NELL2: variants seen among roughly 807,000 people sequenced by gnomAD.
NELL2 encodes neural EGFL like 2, also known as protein kinase C-binding protein NELL2.
In NELL2, 41 loss-of-function variants were observed where a neutral mutation model predicts 109.6. That is an observed-to-expected ratio of 0.37 (90% CI 0.29 to 0.49). The LOEUF is 0.49. NELL2 is among the 20% of genes least tolerant of loss of function. The pLI is 0.98. For synonymous variants in NELL2, 355 were observed against 344.7 expected (o/e 1.03, Z -0.33); for missense variants, 900 against 1,008.3 (o/e 0.89, Z 1.45).
At chr12:44,655,532 G>C (rs1176416347) in intron 13 of NELL2, among the ~76,000 whole-genome samples, 1 of 152,202 alleles carries the variant, frequency 6.6e-6, no homozygotes, top group East Asian at 1.9e-4. Context: ...ATGTGTTTCA[G>C]AAAAGAGATA....
intron 15 of NELL2, among the ~76,000 whole-genome samples, chr12:44,554,030 G>C (rs888610898): frequency 1.3e-5 from 2 of 152,188 alleles, no homozygotes; most frequent in African/African-American, 4.8e-5. Context: ...TCAGATTGCA[G>C]ATATCATGTA....
chr12:44,615,860 C>T (rs905699761), intron 13 of NELL2, among the ~76,000 whole-genome samples: 1 of 152,118 alleles, frequency 6.6e-6, no homozygotes, highest in Non-Finnish European at 1.5e-5. Context: ...CCCACATTTT[C>T]ACAAGGTAGA....
At chr12:44,759,974 T>C (rs1048313911) in intron 9 of NELL2, among the ~76,000 whole-genome samples, 2 of 152,222 alleles carry the variant, frequency 1.3e-5, no homozygotes, top group African/African-American at 4.8e-5. Context: ...ATGGCAGAGT[T>C]ACTGGGGACT....
At chr12:44,720,328 C>T (rs191734726) in intron 9 of NELL2, among the ~76,000 whole-genome samples, 2 of 152,218 alleles carry the variant, frequency 1.3e-5, no homozygotes, top group East Asian at 3.9e-4. Context: ...TTTCAGCTTC[C>T]TGTTTGATAA....
chr12:44,816,166 T>G (rs1176873323), intron 2 of NELL2, 30 bp from the exon 3 acceptor site: 4 of 1,529,786 alleles, frequency 2.6e-6, no homozygotes, highest in Non-Finnish European at 3.5e-6. Flanking sequence ...ATACTAAGAA[T>G]AGTAGAATTT....
intron 15 of NELL2, among the ~76,000 whole-genome samples, chr12:44,584,037 G>C: frequency 6.6e-6 from 1 of 152,208 alleles, no homozygotes; most frequent in East Asian, 1.9e-4. Flanking sequence ...GCCTCCAGAA[G>C]TGCTGGGATT....
chr12:44,714,817 A>G, intron 9 of NELL2, 76 bp from the exon 10 acceptor site: 1 of 872,550 alleles, frequency 1.1e-6, no homozygotes, highest in Non-Finnish European at 1.7e-6. Context: ...ATCTTGTAAC[A>G]GCATTCCACA....
intron 19 of NELL2, among the ~76,000 whole-genome samples, chr12:44,514,498 T>A (rs1941159390): frequency 6.6e-6 from 1 of 151,678 alleles, no homozygotes; most frequent in African/African-American, 2.4e-5. Flanking sequence ...TCACATAATT[T>A]TTATTACAGT....
chr12:44,710,203 C>T (rs1399508182), intron 11 of NELL2, among the ~76,000 whole-genome samples: 4 of 152,098 alleles, frequency 2.6e-5, no homozygotes, highest in East Asian at 1.9e-4. Context: ...CCTATGTCCA[C>T]TTTTAATAGA....
intron 13 of NELL2, among the ~76,000 whole-genome samples, chr12:44,619,465 A>C (rs1392803201): frequency 6.6e-6 from 1 of 152,180 alleles, no homozygotes; most frequent in Non-Finnish European, 1.5e-5. Context: ...ATTCCTTGAC[A>C]AAATGGGCTT....
intron 1 of NELL2, chr12:44,913,693 C>T (rs1388129525): frequency 2.1e-6 from 1 of 477,894 alleles, no homozygotes; most frequent in Non-Finnish European, 3.8e-6. Flanking sequence ...TGATTCACAT[C>T]AAAACCACAG....
At chr12:44,872,510 A>G (rs1184187713) in intron 2 of NELL2, among the ~76,000 whole-genome samples, 2 of 152,154 alleles carry the variant, frequency 1.3e-5, no homozygotes, top group African/African-American at 4.8e-5. Flanking sequence ...ACGAGTTTCA[A>G]AAGGTATTGA....
intron 2 of NELL2, among the ~76,000 whole-genome samples, chr12:44,862,649 T>G (rs535514730): frequency 6.6e-6 from 1 of 152,100 alleles, no homozygotes; most frequent in African/African-American, 2.4e-5. Context: ...TGAGCTGCAC[T>G]TTTTTTTCTA....
At chr12:44,734,544 C>A (rs977473261) in intron 9 of NELL2, among the ~76,000 whole-genome samples, 1 of 151,108 alleles carries the variant, frequency 6.6e-6, no homozygotes, top group Non-Finnish European at 1.5e-5. Context: ...GATTTTTGTC[C>A]CCCCTGCTTT....
At chr12:44,546,435 T>TAAG (rs1463963947) in intron 15 of NELL2, among the ~76,000 whole-genome samples, 1 of 152,070 alleles carries the variant, frequency 6.6e-6, no homozygotes, top group Non-Finnish European at 1.5e-5. Flanking sequence ...TTGATACAAG[T>TAAG]TTTTTAGCCA....
At chr12:44,840,375 T>C (rs1309985431) in intron 2 of NELL2, among the ~76,000 whole-genome samples, 1 of 152,194 alleles carries the variant, frequency 6.6e-6, no homozygotes, top group Non-Finnish European at 1.5e-5. Flanking sequence ...AACCAAAAAG[T>C]TAAATTCCAC....
At position 44,652,686 on chromosome 12, in the gene NELL2, T is replaced by C. The variant is rs144413038; in HGVS notation, c.1444+12798A>G. On this transcript the variant is annotated intron_variant, in intron 13 of 19. Transcript: ENST00000429094. Reference sequence around the variant, plus strand: ...TTAGCTAATAGTAATAGTGCATTAGTTTTCTATTGTTGCCATAACAAATTA... The same window carrying C: ...TTAGCTAATAGTAATAGTGCATTAGCTTTCTATTGTTGCCATAACAAATTA... 3.9e-5 allele frequency among the ~76,000 whole-genome samples: 6 copies of C among 152,322 alleles called. No homozygotes were observed. The East Asian group carries it at 1.2e-3, about 29-fold the overall frequency.
In NELL2 at chr12:44,876,273, C is replaced by T. The variant is rs919368533; in HGVS notation, c.-404G>A. 3 of 1,153,156 alleles carry T rather than the reference C, an allele frequency of 2.6e-6. No homozygotes were observed. Among genetic ancestry groups the T allele is most frequent in the African/African-American group, 1.6e-5 (1 of 63,052 alleles). 71.4% of individuals were successfully genotyped at this position (1,153,156 alleles called of 1,614,324 possible). On this transcript the variant is annotated 5_prime_UTR_variant, in exon 1 of 20. Coordinates refer to ENST00000429094, the MANE Select transcript of NELL2 (RefSeq NM_001145108.2). The stretch of plus-strand genomic sequence containing the variant: ...GGGCTGGGGCGGCCCCGCACCCCCC[C>T]GTCTTCCCCGCCGCCCGAACCTGTT...
At chr12:44,557,624 T>TGGG (rs2136175995) in intron 15 of NELL2, among the ~76,000 whole-genome samples, 1 of 152,284 alleles carries the variant, frequency 6.6e-6, no homozygotes, top group Non-Finnish European at 1.5e-5. Context: ...TACGTTGAGA[T>TGGG]TTTAGTGTTT....
Sources: allele counts gnomAD v4.1 joint callset (sites outside exome capture counted in the v4.1 genomes callset), GRCh38; gene constraint gnomAD v4.1.1; transcripts MANE v1.5; gene names NCBI Gene and HGNC (gene_info 2026-07-23, HGNC 2026-07-21).